Variants in KIAA0825 observed in about 807,000 individuals in gnomAD.
KIAA0825 encodes the protein uncharacterized protein KIAA0825.
Under a neutral mutation model 147.6 loss-of-function variants are expected in KIAA0825, and 119 were observed. That is an observed-to-expected ratio of 0.81 (90% CI 0.69 to 0.94). KIAA0825 has a LOEUF of 0.94. KIAA0825 is among the 40% of genes least tolerant of loss of function. KIAA0825 has a pLI of 0.00. For missense variants in KIAA0825, 1,381 were observed against 1,472.7 expected, an observed-to-expected ratio of 0.94 and a Z score of 1.02; for synonymous variants, 470 against 518.1, an observed-to-expected ratio of 0.91 and a Z score of 1.26.
At chr5:94,504,501 G>A (rs1398312529) in intron 5 of KIAA0825, among the ~76,000 whole-genome samples, 6 of 152,068 alleles carry the variant, frequency 3.9e-5, no homozygotes, top group East Asian at 1.9e-4. Context: ...CTTTATTTGT[G>A]TCCCAAGTGG....
At chr5:94,305,595 A>T (rs1689770614) in intron 20 of KIAA0825, among the ~76,000 whole-genome samples, 1 of 152,002 alleles carries the variant, frequency 6.6e-6, no homozygotes, top group African/African-American at 2.4e-5. Context: ...TGCACGTATA[A>T]AAAATAATAA....
intron 14 of KIAA0825, among the ~76,000 whole-genome samples, chr5:94,434,008 G>T (rs1756026400): frequency 6.6e-6 from 1 of 152,180 alleles, no homozygotes. Flanking sequence ...ATAATTACCA[G>T]AACAATTGCC....
intron 20 of KIAA0825, among the ~76,000 whole-genome samples, chr5:94,287,572 T>C: frequency 6.6e-6 from 1 of 152,194 alleles, no homozygotes; most frequent in Non-Finnish European, 1.5e-5. Context: ...GAGTCTTGTA[T>C]ATTGCTTGTG....
intron 5 of KIAA0825, among the ~76,000 whole-genome samples, chr5:94,514,830 G>C (rs960376938): frequency 6.6e-6 from 1 of 151,978 alleles, no homozygotes; most frequent in Non-Finnish European, 1.5e-5. Flanking sequence ...TATCTTGAAT[G>C]ATCTTTTCAT....
chr5:94,578,921 A>C (rs1781554018), intron 2 of KIAA0825, among the ~76,000 whole-genome samples: 1 of 151,974 alleles, frequency 6.6e-6, no homozygotes, highest in African/African-American at 2.4e-5. Flanking sequence ...CACACTGCTT[A>C]TGTTTCTTTC....
Position 94,243,117 on chromosome 5 carries a change from C to G in KIAA0825, c.3711-88993G>C, listed in dbSNP as rs1247361235. Among the ~76,000 whole-genome samples, 4 of 152,186 alleles carry G rather than the reference C, an allele frequency of 2.6e-5. No individual in the cohort carries two copies. The East Asian group carries it at 7.7e-4, about 29-fold the overall frequency. On this transcript the variant is annotated intron_variant, in intron 20 of 20. Transcript: ENST00000682413. ...TCCTCTAAGACCTGAGATATTATCA[C>G]CCCATGGGTTGTGAGTGTTAAATCA... is the stretch of plus-strand genomic sequence containing the variant.
chr5:94,180,373 T>C (rs1769499885), intron 20 of KIAA0825, among the ~76,000 whole-genome samples: 1 of 152,252 alleles, frequency 6.6e-6, no homozygotes, highest in Admixed American at 6.5e-5. Context: ...TGTGCTGTCG[T>C]AGATTGGAAG....
At chr5:94,218,129 T>C (rs1440797866) in intron 20 of KIAA0825, among the ~76,000 whole-genome samples, 4 of 152,170 alleles carry the variant, frequency 2.6e-5, no homozygotes, top group Non-Finnish European at 5.9e-5. Context: ...ATGAAAGCCA[T>C]ATAATTATAT....
At chr5:94,548,096 T>C (rs1774815835) in intron 2 of KIAA0825, among the ~76,000 whole-genome samples, 1 of 152,074 alleles carries the variant, frequency 6.6e-6, no homozygotes, top group Non-Finnish European at 1.5e-5. Context: ...CACTGGTAAT[T>C]GTAAGAACAA....
Position 94,403,774 on chromosome 5 carries a change from G to A in KIAA0825, c.2682C>T (p.Tyr894=), listed in dbSNP as rs976814218. 1.2e-5 allele frequency: 18 copies of A among 1,551,226 alleles called. No homozygotes were observed. Among genetic ancestry groups the A allele is most frequent in the East Asian group, 9.8e-5 (4 of 40,918 alleles). ...YNIPVSTCVE[Y]ELEVIRCLRL... ...TCAAGCATCGGATGACCTCTAGCTC[G>A]TACTCCACGCACGTTGAGACTTTAA... Residue 894 remains tyrosine (Y), a synonymous_variant, in exon 16 of 21, where the codon TAC becomes TAT. Coordinates refer to ENST00000682413, the MANE Select transcript of KIAA0825 (RefSeq NM_001145678.3).
At chr5:94,208,671 G>T (rs1380166337) in intron 20 of KIAA0825, among the ~76,000 whole-genome samples, 2 of 152,176 alleles carry the variant, frequency 1.3e-5, no homozygotes, top group African/African-American at 4.8e-5. Context: ...ACTCTTAGAG[G>T]ATGGGAAAGA....
At chr5:94,588,833 A>G (rs1459188076) in intron 1 of KIAA0825, among the ~76,000 whole-genome samples, 1 of 152,212 alleles carries the variant, frequency 6.6e-6, no homozygotes, top group Non-Finnish European at 1.5e-5. Flanking sequence ...TGTGGCACAT[A>G]TACAACCATA....
In KIAA0825 at chr5:94,484,865, A is replaced by G; in HGVS notation, c.1036T>C (p.Ser346Pro). 3 of 1,541,462 alleles carry G rather than the reference A, an allele frequency of 1.9e-6. No homozygotes were observed. Among genetic ancestry groups the G allele is most frequent in the African/African-American group, 1.4e-5 (1 of 73,004 alleles). The change falls in exon 6 of 21, where the codon TCG (serine) becomes CCG (proline). Residue 346 changes from serine to proline, a missense_variant. By Grantham distance (74) the Ser-to-Pro change is moderately conservative. Transcript: ENST00000682413. ...SLPLDKVEFLSQLIKSFMKLE... is the reference protein window; with the variant it reads ...SLPLDKVEFLPQLIKSFMKLE... ...TTCATAAAGGATTTTATGAGCTGCG[A>G]TAAGAATTCGACTTTGTCTAAAGGG...
intron 20 of KIAA0825, among the ~76,000 whole-genome samples, chr5:94,267,987 A>T (rs543773355): frequency 6.6e-6 from 1 of 152,038 alleles, no homozygotes; most frequent in Non-Finnish European, 1.5e-5. Context: ...AATGGTTTCT[A>T]TATGTTCTTA....
chr5:94,375,846 T>C (rs2150483271), intron 20 of KIAA0825, among the ~76,000 whole-genome samples: 1 of 152,304 alleles, frequency 6.6e-6, no homozygotes, highest in East Asian at 1.9e-4. Flanking sequence ...GATATTGAGA[T>C]AACCCTAGGA....
intron 5 of KIAA0825, among the ~76,000 whole-genome samples, chr5:94,505,342 C>A (rs1459390536): frequency 2.0e-5 from 3 of 148,758 alleles, no homozygotes; most frequent in African/African-American, 7.4e-5. Flanking sequence ...GCCTGGGTGG[C>A]AGAGCGAGAC....
rs963029273 is a variant in KIAA0825 at position 94,608,866 on chromosome 5, T to C, written c.-153+9634A>G. On this transcript the variant is annotated intron_variant, in intron 1 of 20. Transcript: ENST00000682413. ...TGAGACTACTGGTGATATTAACTAA[T>C]GGGAATTTTTAACGTTGTATAATGA... Among the ~76,000 whole-genome samples, 9 of 152,164 alleles carry C rather than the reference T, an allele frequency of 5.9e-5. No individual in the cohort carries two copies. The East Asian group carries it at 1.7e-3, about 30-fold the overall frequency.
intron 7 of KIAA0825, 143 bp downstream of exon 7, chr5:94,476,968 T>C (rs903593247): frequency 1.9e-5 from 12 of 619,830 alleles, no homozygotes; most frequent in Admixed American, 8.8e-5. Flanking sequence ...CAAAAACTTA[T>C]AAGCCAATTT....
At chr5:94,448,717 G>A (rs181968603) in intron 13 of KIAA0825, among the ~76,000 whole-genome samples, 31 of 152,076 alleles carry the variant, frequency 2.0e-4, no homozygotes, top group African/African-American at 7.5e-4. Context: ...AGTTGCTAAA[G>A]TGAAGAATAG....
Sources: gnomAD v4.1 joint callset for allele counts (sites outside exome capture counted in the v4.1 genomes callset) on GRCh38, gnomAD v4.1.1 for gene constraint, MANE v1.5 for transcripts, NCBI Gene and HGNC (gene_info 2026-07-23, HGNC 2026-07-21) for gene names.